Variants in SHC3 observed in about 807,000 individuals in gnomAD.
SHC3 encodes SHC-transforming protein 3.
Under a neutral mutation model 60.4 loss-of-function variants are expected in SHC3, and 15 were observed. That is an observed-to-expected ratio of 0.25 (90% CI 0.17 to 0.38). The LOEUF is 0.38. Ranked by LOEUF, SHC3 falls within the 10% of genes least tolerant of loss-of-function variation. The pLI, the probability that SHC3 is intolerant of heterozygous loss-of-function variation, is 1.00. For synonymous variants in SHC3, 294 were observed against 325.9 expected (o/e 0.90, Z 1.05); for missense variants, 677 against 786.1 (o/e 0.86, Z 1.66).
At chr9:89,150,094 G>T (rs1476523841) in intron 1 of SHC3, among the ~76,000 whole-genome samples, 1 of 152,108 alleles carries the variant, frequency 6.6e-6, no homozygotes, top group Non-Finnish European at 1.5e-5. Flanking sequence ...TTGTTCTGAT[G>T]TATTATTAGT....
chr9:89,044,934 G>A (rs1824747554), intron 9 of SHC3, among the ~76,000 whole-genome samples: 1 of 152,190 alleles, frequency 6.6e-6, no homozygotes, highest in African/African-American at 2.4e-5. Context: ...TGCCACCTCT[G>A]CCTCAATCCC....
intron 11 of SHC3, among the ~76,000 whole-genome samples, chr9:89,028,814 T>C (rs1475587169): frequency 3.4e-5 from 5 of 146,930 alleles, no homozygotes; most frequent in African/African-American, 1.2e-4. Context: ...TCTATATCTA[T>C]ATATAGCATA....
At chr9:89,080,748 T>C (rs1465911681) in intron 2 of SHC3, among the ~76,000 whole-genome samples, 2 of 148,292 alleles carry the variant, frequency 1.3e-5, no homozygotes, top group East Asian at 3.9e-4. Flanking sequence ...TATATATATA[T>C]ATATATATAT....
At chr9:89,118,226 T>TC (rs1266352183) in intron 1 of SHC3, among the ~76,000 whole-genome samples, 2 of 151,642 alleles carry the variant, frequency 1.3e-5, no homozygotes, top group East Asian at 1.9e-4. Flanking sequence ...ACCTATTTTT[T>TC]TTTTTTTTTT....
chr9:89,082,564 G>A lies in SHC3; in HGVS notation c.546-4661C>T, dbSNP rs541400615. On this transcript the variant is annotated intron_variant, in intron 2 of 11. Transcript: ENST00000375835. ...GACTCTGAAGCTAGAGGGAACCATC[G>A]CCCCTCCTCCATGGGAGGACTCACA... Among the ~76,000 whole-genome samples, 16 of 152,238 alleles carry A rather than the reference G, an allele frequency of 1.1e-4. No homozygotes were observed. In the South Asian group the frequency reaches 1.2e-3, roughly 12 times the overall value.
rs543788783 is a variant in SHC3 at position 89,011,001 on chromosome 9, T to G, written c.*2446A>C. 1.8e-4 allele frequency: 27 copies of G among 152,058 alleles called. No homozygotes were observed. The highest frequency in any genetic ancestry group is 6.5e-4 in the African/African-American group (27 of 41,476). The allele number at this position is 152,058 out of a possible 1,614,324, so 9.4% of individuals were successfully genotyped here. Reference sequence around the variant, plus strand: ...CACCACACAGTGCTGGAGGGAAGAGTTGGGATAACTAATGTGTGCTCTAAC... The same window carrying G: ...CACCACACAGTGCTGGAGGGAAGAGGTGGGATAACTAATGTGTGCTCTAAC... On this transcript the variant is annotated 3_prime_UTR_variant, in exon 12 of 12. Transcript: ENST00000375835.
chr9:89,124,854 T>TA (rs751551345), intron 1 of SHC3, among the ~76,000 whole-genome samples: 2,871 of 139,816 alleles, frequency 0.021, 83 homozygotes, highest in African/African-American at 0.067. Context: ...TAAAGTAAAA[T>TA]AAAAAAAAAA....
At chr9:89,074,068 CA>C (rs1321968824) in intron 4 of SHC3, among the ~76,000 whole-genome samples, 1 of 152,204 alleles carries the variant, frequency 6.6e-6, no homozygotes, top group Non-Finnish European at 1.5e-5. Flanking sequence ...TATGTTAACA[CA>C]AAGCCTGGGT....
chr9:89,110,529 C>G (rs909731154), intron 2 of SHC3: 15 of 897,368 alleles, frequency 1.7e-5, no homozygotes, highest in Admixed American at 6.2e-5. Context: ...ATCTGCAAGA[C>G]ATTGCTGTGT....
At position 89,164,097 on chromosome 9, in the gene SHC3, C is replaced by T. The variant is rs145260314; in HGVS notation, c.474+13890G>A. On this transcript the variant is annotated intron_variant, in intron 1 of 11. Coordinates refer to ENST00000375835, the MANE Select transcript of SHC3 (RefSeq NM_016848.6). ...GAGGACACAGACACTCAGTCCATAA[C>T]ATATCACATATCAAAATTCATGGTC... Among the ~76,000 whole-genome samples, 43 of 152,278 alleles carry T rather than the reference C, an allele frequency of 2.8e-4. 2 individuals are homozygous for T. In the East Asian group the frequency reaches 7.9e-3, roughly 28 times the overall value.
chr9:89,163,287 A>T (rs1384228330), intron 1 of SHC3, among the ~76,000 whole-genome samples: 1 of 152,218 alleles, frequency 6.6e-6, no homozygotes, highest in Admixed American at 6.5e-5. Context: ...ATAAAGACAC[A>T]TGCACATGTA....
chr9:89,136,310 T>G (rs1253199857), intron 1 of SHC3, among the ~76,000 whole-genome samples: 1 of 152,192 alleles, frequency 6.6e-6, no homozygotes, highest in African/African-American at 2.4e-5. Flanking sequence ...CTGGGCTGTA[T>G]TCCCAGGAAG....
At chr9:89,063,373 C>T (rs992598773) in intron 6 of SHC3, among the ~76,000 whole-genome samples, 3 of 152,216 alleles carry the variant, frequency 2.0e-5, no homozygotes, top group African/African-American at 7.2e-5. Context: ...CATGATCTGC[C>T]CGCCTCGGCC....
chr9:89,068,414 C>A (rs1407783727), intron 5 of SHC3, among the ~76,000 whole-genome samples: 2 of 152,136 alleles, frequency 1.3e-5, no homozygotes, highest in Non-Finnish European at 2.9e-5. Context: ...AGCAGGAGAA[C>A]AAGGACTAGA....
chr9:89,057,954 A>G (rs140458234), intron 6 of SHC3, among the ~76,000 whole-genome samples: 1 of 152,362 alleles, frequency 6.6e-6, no homozygotes, highest in Non-Finnish European at 1.5e-5. Context: ...AGAGGGGCCC[A>G]AACATATAGG....
At chr9:89,048,469 C>T (rs1393552151) in intron 7 of SHC3, among the ~76,000 whole-genome samples, 1 of 151,950 alleles carries the variant, frequency 6.6e-6, no homozygotes, top group Non-Finnish European at 1.5e-5. Flanking sequence ...TGGGCAAATC[C>T]ATAGAGACAG....
chr9:89,013,588 C>G lies in SHC3; in HGVS notation c.1657-13G>C, dbSNP rs779200925. ...CCTTTGTCCGGATCTATGAATGAAG[C>G]AAAGGAAAGGTTAAGCACATCTCAC... On this transcript the variant is annotated splice_polypyrimidine_tract_variant and intron_variant, in intron 11 of 11. Coordinates refer to ENST00000375835, the MANE Select transcript of SHC3 (RefSeq NM_016848.6). The G allele has an allele frequency of 1.9e-6, 3 of 1,606,482 alleles. No homozygotes were observed. The East Asian group carries it at 6.7e-5, about 36-fold the overall frequency.
chr9:89,018,384 C>T (rs1826132279), intron 11 of SHC3, among the ~76,000 whole-genome samples: 1 of 152,084 alleles, frequency 6.6e-6, no homozygotes, highest in Non-Finnish European at 1.5e-5. Context: ...AGCAAACTAA[C>T]ACAGGAACAG....
chr9:89,170,775 C>T (rs2118266907), intron 1 of SHC3, among the ~76,000 whole-genome samples: 1 of 152,160 alleles, frequency 6.6e-6, no homozygotes, highest in African/African-American at 2.4e-5. Context: ...TCGAACAATG[C>T]AGTATAACAA....
Sources: allele counts gnomAD v4.1 joint callset (sites outside exome capture counted in the v4.1 genomes callset), GRCh38; gene constraint gnomAD v4.1.1; transcripts MANE v1.5; gene names NCBI Gene and HGNC (gene_info 2026-07-23, HGNC 2026-07-21).